TBL1XR1: variants seen among roughly 807,000 people sequenced by gnomAD.
TBL1XR1 encodes TBL1X/Y related 1, also known as F-box-like/WD repeat-containing protein TBL1XR1.
Under a neutral mutation model 66.9 loss-of-function variants are expected in TBL1XR1, and 5 were observed. The ratio of observed to expected loss-of-function variants is 0.07; its 90% CI spans 0.04 to 0.16. The LOEUF (loss-of-function observed/expected upper bound fraction) is 0.16, where lower values mean the gene tolerates loss of function less well. Ranked by LOEUF, TBL1XR1 falls within the 10% of genes least tolerant of loss-of-function variation. The pLI is 1.00. For synonymous variants in TBL1XR1, 210 were observed against 206.0 expected (o/e 1.02, Z -0.17); for missense variants, 238 against 623.2 (o/e 0.38, Z 6.58).
At chr3:177,033,781 G>A (rs1178140027) in intron 13 of TBL1XR1, among the ~76,000 whole-genome samples, 1 of 152,134 alleles carries the variant, frequency 6.6e-6, no homozygotes. Flanking sequence ...CCTTTGCAGT[G>A]ACTTGGATAG....
At chr3:177,186,172 A>G (rs184745238) in intron 1 of TBL1XR1, among the ~76,000 whole-genome samples, 57 of 152,304 alleles carry the variant, frequency 3.7e-4, no homozygotes, top group African/African-American at 1.1e-3. Context: ...ACACAATACA[A>G]TAACAGTCTG....
At position 177,068,226 on chromosome 3, in the gene TBL1XR1, T is replaced by C. The variant is rs10755130; in HGVS notation, c.-45-3204A>G. On this transcript the variant is annotated intron_variant, in intron 2 of 15. Coordinates refer to ENST00000457928, the MANE Select transcript of TBL1XR1 (RefSeq NM_024665.7). ...GATCATATTTACTCATTCTTAAATATTAACTGAGATCCTCCCAAAAATTAG... is the reference window on the plus strand; with the variant it reads ...GATCATATTTACTCATTCTTAAATACTAACTGAGATCCTCCCAAAAATTAG... Among the ~76,000 whole-genome samples, 61 of 152,128 alleles carry C rather than the reference T, an allele frequency of 4.0e-4. 1 individual carries two copies. In the South Asian group the frequency reaches 0.013, roughly 32 times the overall value.
intron 10 of TBL1XR1, 112 bp from the exon 11 acceptor site, chr3:177,038,546 T>C (rs1715129586): frequency 2.0e-6 from 2 of 1,023,688 alleles, no homozygotes; most frequent in South Asian, 2.9e-5. Context: ...CACTTAAACA[T>C]TTTACTTTAT....
Position 177,020,363 on chromosome 3 carries a change from A to T in TBL1XR1, c.*5135T>A, listed in dbSNP as rs1269536273. The T allele has an allele frequency of 6.6e-6, 1 of 152,220 alleles. No homozygotes were observed. Among genetic ancestry groups the T allele is most frequent in the Non-Finnish European group, 1.5e-5 (1 of 68,020 alleles). 9.4% of individuals were successfully genotyped at this position (152,220 alleles called of 1,614,324 possible). A position where few individuals can be genotyped will look rare whatever the true frequency, so the allele number is the denominator to read the frequency against. On this transcript the variant is annotated 3_prime_UTR_variant, in exon 16 of 16. Coordinates refer to ENST00000457928, the MANE Select transcript of TBL1XR1 (RefSeq NM_024665.7). ...CCCTTAGCTGATTAGATGCTCTATT[A>T]TACTTTAATAAAAATAGTAAATAAC... is the stretch of plus-strand genomic sequence containing the variant.
At chr3:177,037,807 T>TCCATCCATCCAC in intron 12 of TBL1XR1, 1 of 251,878 alleles carries the variant, frequency 4.0e-6, no homozygotes, top group Non-Finnish European at 7.6e-6. Flanking sequence ...CATCCATCCA[T>TCCATCCATCCAC]CTTCTTATTG....
chr3:177,053,752 T>C, intron 4 of TBL1XR1, 21 bp downstream of exon 4: 1 of 1,604,214 alleles, frequency 6.2e-7, no homozygotes, highest in Non-Finnish European at 8.5e-7. Flanking sequence ...AAAATCAGTA[T>C]TTGAAATAAG....
chr3:177,030,960 A>C (rs1043820254), intron 14 of TBL1XR1, among the ~76,000 whole-genome samples: 3 of 152,078 alleles, frequency 2.0e-5, no homozygotes, highest in Admixed American at 6.5e-5. Context: ...AAAAATACCA[A>C]AACTAGCCGG....
chr3:177,072,768 C>A (rs556145723), intron 2 of TBL1XR1, among the ~76,000 whole-genome samples: 25 of 152,268 alleles, frequency 1.6e-4, no homozygotes, highest in Admixed American at 5.2e-4. Context: ...CATTTTCCTG[C>A]AAATGAATGA....
intron 1 of TBL1XR1, among the ~76,000 whole-genome samples, chr3:177,172,281 T>C (rs1454673715): frequency 9.8e-6 from 1 of 102,026 alleles, no homozygotes; most frequent in East Asian, 3.5e-4. Context: ...AAAAAAAAAA[T>C]TATAACCCTT....
At chr3:177,147,851 G>A (rs1016738070) in intron 1 of TBL1XR1, among the ~76,000 whole-genome samples, 1 of 152,194 alleles carries the variant, frequency 6.6e-6, no homozygotes, top group African/African-American at 2.4e-5. Flanking sequence ...AGCCAGTAAA[G>A]AAGGGAAGCA....
chr3:177,105,350 G>T (rs1054327690), intron 1 of TBL1XR1, among the ~76,000 whole-genome samples: 2 of 152,046 alleles, frequency 1.3e-5, no homozygotes, highest in Admixed American at 6.6e-5. Flanking sequence ...AAACAAGTGT[G>T]GGGGGCCGAA....
intron 1 of TBL1XR1, among the ~76,000 whole-genome samples, chr3:177,165,784 C>G (rs1233873493): frequency 6.6e-6 from 1 of 152,176 alleles, no homozygotes; most frequent in African/African-American, 2.4e-5. Flanking sequence ...CCCTCACACT[C>G]TTCACAAAAA....
At chr3:177,078,353 G>T (rs757840873) in intron 2 of TBL1XR1, among the ~76,000 whole-genome samples, 4 of 151,934 alleles carry the variant, frequency 2.6e-5, no homozygotes, top group Non-Finnish European at 5.9e-5. Flanking sequence ...TCACTTTGGG[G>T]GGCAGAGGCG....
rs111484732 is a variant in TBL1XR1, at chr3:177,132,801, A to C, written c.-121-34260T>G. ...TGGCAAGCAATAAACAAATGGCAGGAAATTAAATCAGAGGCAGGCAGGGGC... is the reference window on the plus strand; with the variant it reads ...TGGCAAGCAATAAACAAATGGCAGGCAATTAAATCAGAGGCAGGCAGGGGC... On this transcript the variant is annotated intron_variant, in intron 1 of 15. Coordinates refer to ENST00000457928, the MANE Select transcript of TBL1XR1 (RefSeq NM_024665.7). 1.6e-4 allele frequency among the ~76,000 whole-genome samples: 24 copies of C among 152,320 alleles called. 1 individual carries two copies. The highest frequency in any genetic ancestry group is 5.8e-4 in the African/African-American group (24 of 41,582).
intron 1 of TBL1XR1, among the ~76,000 whole-genome samples, chr3:177,167,964 T>C (rs140406525): frequency 6.6e-6 from 1 of 152,244 alleles, no homozygotes; most frequent in African/African-American, 2.4e-5. Flanking sequence ...CTTAAAAAAG[T>C]GTTGTTATAG....
chr3:177,101,737 G>C (rs1458266168), intron 1 of TBL1XR1, among the ~76,000 whole-genome samples: 2 of 152,166 alleles, frequency 1.3e-5, no homozygotes, highest in African/African-American at 4.8e-5. Context: ...ATGGTATTCT[G>C]TTATAACAAC....
chr3:177,143,656 T>C (rs1466870696), intron 1 of TBL1XR1, among the ~76,000 whole-genome samples: 2 of 152,222 alleles, frequency 1.3e-5, no homozygotes, highest in East Asian at 1.9e-4. Flanking sequence ...TTATTGTAAC[T>C]ACCATGTGAA....
chr3:177,189,296 TAA>T (rs1329128739), intron 1 of TBL1XR1, among the ~76,000 whole-genome samples: 69 of 99,078 alleles, frequency 7.0e-4, no homozygotes, highest in African/African-American at 2.1e-3. Flanking sequence ...GGTGGGCAGA[TAA>T]CAAGGCCCAG....
At chr3:177,112,424 T>A (rs1179824006) in intron 1 of TBL1XR1, among the ~76,000 whole-genome samples, 2 of 151,946 alleles carry the variant, frequency 1.3e-5, no homozygotes, top group Non-Finnish European at 2.9e-5. Context: ...ATCATTTAAA[T>A]AGCATGGAAA....
Sources: allele counts gnomAD v4.1 joint callset (sites outside exome capture counted in the v4.1 genomes callset), GRCh38; gene constraint gnomAD v4.1.1; transcripts MANE v1.5; gene names NCBI Gene and HGNC (gene_info 2026-07-23, HGNC 2026-07-21).